Variants in AKAP6 observed in about 807,000 individuals in gnomAD.
The protein encoded by AKAP6 is A-kinase anchor protein 6.
AKAP6 carries 58 observed loss-of-function variants against 188.5 expected under a neutral mutation model. That is an observed-to-expected ratio of 0.31 (90% confidence interval 0.25 to 0.38). The LOEUF is 0.38. Among genes scored for constraint, AKAP6 ranks in the 10% least tolerant of loss-of-function variants. The pLI is 1.00. For missense variants in AKAP6, 2,710 were observed against 2,740.0 expected, an observed-to-expected ratio of 0.99 and a Z score of 0.24; for synonymous variants, 989 against 998.6, an observed-to-expected ratio of 0.99 and a Z score of 0.18.
At chr14:32,474,031 G>C (rs1878924263) in intron 2 of AKAP6, 1 of 152,228 alleles carries the variant, frequency 6.6e-6, no homozygotes, top group Admixed American at 6.5e-5. Flanking sequence ...TCAAGTAGCT[G>C]GGATTACAGG....
chr14:32,687,940 C>G (rs886393625), intron 8 of AKAP6, among the ~76,000 whole-genome samples: 1 of 152,052 alleles, frequency 6.6e-6, no homozygotes, highest in Admixed American at 6.6e-5. Flanking sequence ...GATATTATTA[C>G]ACCCCTTTAA....
intron 11 of AKAP6, among the ~76,000 whole-genome samples, chr14:32,762,499 A>G (rs2032572704): frequency 6.6e-6 from 1 of 152,150 alleles, no homozygotes; most frequent in South Asian, 2.1e-4. Flanking sequence ...GTTTAGGGAA[A>G]GTAACAAAGA....
rs1046872037 is a variant in AKAP6, at chr14:32,577,106, T to C, written c.2347-14T>C. 80 of 1,596,388 alleles carry C rather than the reference T, an allele frequency of 5.0e-5. 1 individual carries two copies. In the Admixed American group the frequency reaches 1.4e-3, roughly 28 times the overall value. On this transcript the variant is annotated splice_polypyrimidine_tract_variant and intron_variant, in intron 4 of 13. Transcript: ENST00000280979. The stretch of plus-strand genomic sequence containing the variant: ...TCTTGCCCCTTTTTTTCCCCTTTTC[T>C]TTCCTTTCACAAGGGGTTTGTAAAC...
chr14:32,664,400 A>T (rs1888832499), intron 7 of AKAP6, among the ~76,000 whole-genome samples: 3 of 152,066 alleles, frequency 2.0e-5, no homozygotes, highest in African/African-American at 7.2e-5. Flanking sequence ...TCTACCAGAA[A>T]ATACTGTAGC....
chr14:32,812,934 C>A (rs1379014420), intron 12 of AKAP6, among the ~76,000 whole-genome samples: 1 of 152,112 alleles, frequency 6.6e-6, no homozygotes. Flanking sequence ...TTTTTTACAC[C>A]AAGCTACTGT....
intron 2 of AKAP6, among the ~76,000 whole-genome samples, chr14:32,437,770 T>C (rs900378671): frequency 6.6e-6 from 1 of 152,236 alleles, no homozygotes; most frequent in African/African-American, 2.4e-5. Flanking sequence ...CTAATGTTTG[T>C]ATTTTGTGTA....
At chr14:32,337,329 T>A (rs1312031966) in intron 1 of AKAP6, among the ~76,000 whole-genome samples, 2 of 152,156 alleles carry the variant, frequency 1.3e-5, no homozygotes, top group African/African-American at 4.8e-5. Context: ...AGGATGCACA[T>A]TTCTTCAGGC....
intron 1 of AKAP6, among the ~76,000 whole-genome samples, chr14:32,355,640 G>A (rs1222217440): frequency 6.6e-6 from 1 of 152,112 alleles, no homozygotes; most frequent in Non-Finnish European, 1.5e-5. Context: ...CTAGTGGTGG[G>A]CCTAACAACT....
intron 2 of AKAP6, among the ~76,000 whole-genome samples, chr14:32,529,904 C>CTCTT (rs1368071960): frequency 6.8e-6 from 1 of 147,944 alleles, no homozygotes; most frequent in Non-Finnish European, 1.5e-5. Flanking sequence ...AGGTCAGAAT[C>CTCTT]TCTTTTTAGC....
rs1364594740 is a variant in AKAP6, at chr14:32,821,828, C to A, written c.4015C>A (p.Leu1339Ile). The A allele has an allele frequency of 6.2e-7, 1 of 1,613,740 alleles. No individual in the cohort carries two copies. The change falls in exon 13 of 14, where the codon CTT (leucine) becomes ATT (isoleucine). Residue 1339 changes from leucine (L) to isoleucine (I), a missense_variant. Physicochemically the swap from Leu to Ile is conservative, Grantham distance 5 (BLOSUM62 2). Transcript: ENST00000280979. ...SFSSTKSLPDLLGGSNLVKPC... is the reference protein window; with the variant it reads ...SFSSTKSLPDILGGSNLVKPC... ...TTCATCTACCAAATCTTTGCCAGATCTTCTAGGTGGTTCCAATTTGGTAAA... is the reference window on the plus strand; with the variant it reads ...TTCATCTACCAAATCTTTGCCAGATATTCTAGGTGGTTCCAATTTGGTAAA...
At chr14:32,649,454 C>A (rs956955225) in intron 7 of AKAP6, among the ~76,000 whole-genome samples, 2 of 152,212 alleles carry the variant, frequency 1.3e-5, no homozygotes, top group Admixed American at 1.3e-4. Flanking sequence ...ACTTATTTTA[C>A]ATTTAATTAT....
intron 4 of AKAP6, among the ~76,000 whole-genome samples, chr14:32,564,213 C>A (rs1884092870): frequency 1.3e-5 from 2 of 152,142 alleles, no homozygotes; most frequent in Non-Finnish European, 2.9e-5. Context: ...GTACAGATGT[C>A]ACCATCCATT....
chr14:32,530,443 G>A (rs953457284), intron 2 of AKAP6, among the ~76,000 whole-genome samples: 8 of 152,150 alleles, frequency 5.3e-5, no homozygotes, highest in African/African-American at 1.9e-4. Context: ...CCTGGGTGAG[G>A]ATGTTGCTGG....
intron 1 of AKAP6, among the ~76,000 whole-genome samples, chr14:32,340,739 G>A (rs11623151): frequency 0.074 from 11,236 of 152,218 alleles, 501 homozygotes; most frequent in Non-Finnish European, 0.085. Flanking sequence ...TCACAGTTCC[G>A]GAAGCTGGGA....
chr14:32,571,613 G>A (rs1159238469), intron 4 of AKAP6, among the ~76,000 whole-genome samples: 1 of 152,176 alleles, frequency 6.6e-6, no homozygotes, highest in Admixed American at 6.5e-5. Flanking sequence ...TCTGTGTGGA[G>A]GCAGCTAACT....
chr14:32,548,680 C>T (rs76531041), intron 4 of AKAP6, among the ~76,000 whole-genome samples: 5,467 of 152,090 alleles, frequency 0.036, 328 homozygotes, highest in African/African-American at 0.12. Context: ...GACAGACAAA[C>T]CAGACAGACC....
chr14:32,786,576 G>A (rs895322063), intron 12 of AKAP6, among the ~76,000 whole-genome samples: 3 of 151,420 alleles, frequency 2.0e-5, no homozygotes, highest in South Asian at 4.2e-4. Flanking sequence ...TGCCTGCCTC[G>A]GCCTCCCAAA....
chr14:32,782,598 T>C (rs1409040536), intron 12 of AKAP6, among the ~76,000 whole-genome samples: 3 of 152,142 alleles, frequency 2.0e-5, no homozygotes, highest in Non-Finnish European at 4.4e-5. Flanking sequence ...AATTATATTC[T>C]AGATATTACT....
chr14:32,651,889 C>T (rs761718522), intron 7 of AKAP6, among the ~76,000 whole-genome samples: 49 of 152,040 alleles, frequency 3.2e-4, no homozygotes, highest in South Asian at 8.3e-4. Flanking sequence ...TCCTTTTGGT[C>T]CCCTTACATC....
Sources: gnomAD v4.1 joint callset for allele counts (sites outside exome capture counted in the v4.1 genomes callset) on GRCh38, gnomAD v4.1.1 for gene constraint, MANE v1.5 for transcripts, NCBI Gene and HGNC (gene_info 2026-07-23, HGNC 2026-07-21) for gene names.